PARD3B: variants seen among roughly 807,000 people sequenced by gnomAD.
PARD3B encodes the protein par-3 family cell polarity regulator beta, also known as partitioning defective 3 homolog B.
A neutral mutation model predicts 130.2 loss-of-function variants in PARD3B; 103 were observed. The observed-to-expected ratio is 0.79, with a 90% CI of 0.67 to 0.93. The LOEUF (loss-of-function observed/expected upper bound fraction) is 0.93, where lower values mean the gene tolerates loss of function less well. Ranked by LOEUF, PARD3B falls within the 40% of genes least tolerant of loss-of-function variation. The pLI is 0.00. For missense variants in PARD3B, 1,609 were observed against 1,499.2 expected, an observed-to-expected ratio of 1.07 and a Z score of -1.21; for synonymous variants, 583 against 553.2, an observed-to-expected ratio of 1.05 and a Z score of -0.76.
chr2:205,046,264 T>A (rs1567501), intron 3 of PARD3B, among the ~76,000 whole-genome samples: 71,293 of 150,874 alleles, frequency 0.47, 17,193 homozygotes, highest in African/African-American at 0.57. Flanking sequence ...TTTTTTTTTT[T>A]AAAAATGTTT....
intron 3 of PARD3B, among the ~76,000 whole-genome samples, chr2:205,016,217 T>G (rs532999868): frequency 1.3e-5 from 2 of 152,318 alleles, no homozygotes; most frequent in African/African-American, 4.8e-5. Flanking sequence ...TAAGTCAGAT[T>G]GTGGGACTTA....
chr2:204,671,634 A>T (rs2036306866), intron 1 of PARD3B, among the ~76,000 whole-genome samples: 1 of 152,168 alleles, frequency 6.6e-6, no homozygotes, highest in African/African-American at 2.4e-5. Flanking sequence ...CCATGAAGAT[A>T]GAGTTTATGG....
At chr2:205,431,618 T>TACC (rs1299446695) in intron 19 of PARD3B, among the ~76,000 whole-genome samples, 2 of 151,740 alleles carry the variant, frequency 1.3e-5, no homozygotes, top group African/African-American at 2.4e-5. Context: ...TATAGGCGTC[T>TACC]ACCACCACGC....
chr2:205,014,336 A>T (rs950372268), intron 3 of PARD3B, among the ~76,000 whole-genome samples: 1 of 152,104 alleles, frequency 6.6e-6, no homozygotes, highest in African/African-American at 2.4e-5. Flanking sequence ...TGTGATCCTG[A>T]GGTCTGACTG....
chr2:205,047,854 T>C (rs1698910615), intron 4 of PARD3B, 164 bp downstream of exon 4: 1 of 516,296 alleles, frequency 1.9e-6, no homozygotes, highest in Non-Finnish European at 3.4e-6. Context: ...ATTACTTGTA[T>C]ATAGTTATAG....
At chr2:204,668,278 C>T (rs976769886) in intron 1 of PARD3B, among the ~76,000 whole-genome samples, 2 of 152,168 alleles carry the variant, frequency 1.3e-5, no homozygotes, top group African/African-American at 4.8e-5. Flanking sequence ...GATTGATTAG[C>T]GCTTCTGTGC....
chr2:205,377,625 C>T (rs1359760295), intron 18 of PARD3B, among the ~76,000 whole-genome samples: 1 of 152,060 alleles, frequency 6.6e-6, no homozygotes, highest in African/African-American at 2.4e-5. Context: ...GGAGACCAGT[C>T]CTCACACCCT....
intron 1 of PARD3B, among the ~76,000 whole-genome samples, chr2:204,665,114 T>C (rs1057167634): frequency 6.6e-6 from 1 of 151,990 alleles, no homozygotes; most frequent in Non-Finnish European, 1.5e-5. Context: ...GTTTTTGTTT[T>C]TTTTTTTGTC....
intron 4 of PARD3B, among the ~76,000 whole-genome samples, chr2:205,084,112 A>T (rs528042284): frequency 1.3e-5 from 2 of 152,212 alleles, no homozygotes; most frequent in East Asian, 3.9e-4. Flanking sequence ...AAATCTAAGG[A>T]TCAGTTTGTG....
chr2:205,072,501 G>A (rs1421852660), intron 4 of PARD3B, among the ~76,000 whole-genome samples: 2 of 152,012 alleles, frequency 1.3e-5, no homozygotes, highest in Non-Finnish European at 2.9e-5. Context: ...TCTACCCACC[G>A]TGGCCTCCCC....
chr2:204,718,923 T>C (rs188668796), intron 2 of PARD3B, among the ~76,000 whole-genome samples: 1 of 152,326 alleles, frequency 6.6e-6, no homozygotes, highest in Non-Finnish European at 1.5e-5. Context: ...TGCATTTTAA[T>C]CATGATTACT....
At chr2:205,018,381 G>A (rs1696320186) in intron 3 of PARD3B, among the ~76,000 whole-genome samples, 1 of 152,032 alleles carries the variant, frequency 6.6e-6, no homozygotes, top group South Asian at 2.1e-4. Context: ...TGAAATCTGG[G>A]AAGAAGGAAA....
At chr2:205,324,287 G>C (rs867967219) in intron 18 of PARD3B, among the ~76,000 whole-genome samples, 7 of 152,232 alleles carry the variant, frequency 4.6e-5, no homozygotes, top group Middle Eastern at 6.8e-3. Context: ...TGTACTTGAA[G>C]TAAGAAGTGG....
At chr2:204,750,060 A>C (rs2040400444) in intron 2 of PARD3B, among the ~76,000 whole-genome samples, 1 of 152,204 alleles carries the variant, frequency 6.6e-6, no homozygotes, top group South Asian at 2.1e-4. Context: ...AGTATGGCTC[A>C]ACTGTGATAC....
chr2:205,336,271 A>G (rs527364094), intron 18 of PARD3B, among the ~76,000 whole-genome samples: 2 of 152,320 alleles, frequency 1.3e-5, no homozygotes, highest in East Asian at 3.9e-4. Context: ...CCATTTGACC[A>G]TGAGTTCCCT....
At chr2:205,095,773 C>CA (rs1445975457) in intron 4 of PARD3B, among the ~76,000 whole-genome samples, 9 of 151,748 alleles carry the variant, frequency 5.9e-5, no homozygotes, top group African/African-American at 1.9e-4. Context: ...CAAACACAAA[C>CA]AAAAAAACTC....
chr2:205,336,976 T>TAAA (rs34061573), intron 18 of PARD3B, among the ~76,000 whole-genome samples: 17 of 147,362 alleles, frequency 1.2e-4, no homozygotes, highest in African/African-American at 2.8e-4. Context: ...TTATTTCTTG[T>TAAA]AAAAAAAAAA....
rs1032649210 is a variant in PARD3B, at chr2:205,121,440, T to C, written c.807-151T>C. ...TGCAAATAGTAAGTGGTAACTAGTA[T>C]GTAGTTGGCAAAGTCATTCTGATAG... is the stretch of plus-strand genomic sequence containing the variant. On this transcript the variant is annotated intron_variant, in intron 7 of 22. Transcript: ENST00000406610. This position sits in a 1 kb window ranked among gnomAD's most constrained non-coding sequence, Gnocchi z 5.0. 1.4e-5 allele frequency: 10 copies of C among 711,408 alleles called. No homozygotes were observed. Among genetic ancestry groups the C allele is most frequent in the Non-Finnish European group, 2.4e-5 (10 of 416,258 alleles). 44.1% of individuals were successfully genotyped at this position (711,408 alleles called of 1,614,324 possible).
At chr2:204,728,768 T>G (rs1438775363) in intron 2 of PARD3B, among the ~76,000 whole-genome samples, 1 of 152,210 alleles carries the variant, frequency 6.6e-6, no homozygotes, top group Non-Finnish European at 1.5e-5. Flanking sequence ...GAAGTTTATC[T>G]TAATCCACTC....
Sources: gnomAD v4.1 joint callset for allele counts (sites outside exome capture counted in the v4.1 genomes callset) on GRCh38, gnomAD v4.1.1 for gene constraint, Gnocchi (gnomAD v3.1) non-coding constraint, MANE v1.5 for transcripts, NCBI Gene and HGNC (gene_info 2026-07-23, HGNC 2026-07-21) for gene names.